The following ACVR1C variants were observed in gnomAD, a reference collection of about 807,000 sequenced individuals.
ACVR1C encodes the protein activin receptor type-1C.
A neutral mutation model predicts 57.9 loss-of-function variants in ACVR1C; 23 were observed. The ratio of observed to expected loss-of-function variants is 0.40; its 90% CI spans 0.29 to 0.56. ACVR1C has a LOEUF of 0.56. Ranked by LOEUF, ACVR1C falls within the 20% of genes least tolerant of loss-of-function variation. The pLI is 0.50. For synonymous variants in ACVR1C, 214 were observed against 215.3 expected (o/e 0.99, Z 0.05); for missense variants, 480 against 607.9 (o/e 0.79, Z 2.21).
At chr2:157,559,765 A>C (rs1322631486) in intron 2 of ACVR1C, among the ~76,000 whole-genome samples, 1 of 152,132 alleles carries the variant, frequency 6.6e-6, no homozygotes, top group Admixed American at 6.6e-5. Flanking sequence ...CTAACCCATA[A>C]AGGTGAGGGC....
At chr2:157,594,546 G>GTT (rs1363980198) in intron 1 of ACVR1C, among the ~76,000 whole-genome samples, 2 of 152,064 alleles carry the variant, frequency 1.3e-5, no homozygotes, top group Middle Eastern at 3.2e-3. Flanking sequence ...ATTAAAAATT[G>GTT]TTTATCCTGT....
chr2:157,602,782 AAC>A (rs1261397279), intron 1 of ACVR1C, among the ~76,000 whole-genome samples: 3 of 152,192 alleles, frequency 2.0e-5, no homozygotes, highest in South Asian at 2.1e-4. Context: ...AATAGAATGA[AAC>A]ACATTCAAAT....
intron 2 of ACVR1C, among the ~76,000 whole-genome samples, chr2:157,583,091 C>A (rs1688829791): frequency 6.6e-6 from 1 of 152,066 alleles, no homozygotes; most frequent in East Asian, 1.9e-4. Flanking sequence ...ATACTCCCAA[C>A]CTCAAGTGAT....
chr2:157,605,195 C>CATAT lies in ACVR1C; in HGVS notation c.74-17782_74-17779dup, dbSNP rs148856106. Among the ~76,000 whole-genome samples, 9 of 150,224 alleles carry CATAT rather than the reference C, an allele frequency of 6.0e-5. No homozygotes were observed. In the South Asian group the frequency reaches 1.7e-3, roughly 28 times the overall value. On this transcript the variant is annotated intron_variant, in intron 1 of 8. Coordinates refer to ENST00000243349, the MANE Select transcript of ACVR1C (RefSeq NM_145259.3). Reference sequence around the variant, plus strand: ...TAATTTTGTCAAAAAAATCAATTGACATATATATATATATGGGTCTATTTC... The same window carrying CATAT: ...TAATTTTGTCAAAAAAATCAATTGACATATATATATATATATATGGGTCTATTTC...
chr2:157,587,257 G>A lies in ACVR1C; in HGVS notation c.234C>T (p.Ser78=), dbSNP rs938797855. 6.2e-7 allele frequency: 1 copy of A among 1,613,670 alleles called. No homozygotes were observed. ...AGCATTCGGTTTTGGTAACATTGTT[G>A]GAACTATGACAGAAGACTTGAGCAT... ...ELNAQVFCHS[S]NNVTKTECCF... is the part of the protein sequence containing the mutation. The change falls in exon 2 of 9, where the codon TCC becomes TCT. Residue 78 remains serine (S), a synonymous_variant. Transcript: ENST00000243349.
chr2:157,609,391 T>A (rs1682480771), intron 1 of ACVR1C, among the ~76,000 whole-genome samples: 1 of 152,072 alleles, frequency 6.6e-6, no homozygotes, highest in African/African-American at 2.4e-5. Flanking sequence ...ACCTAACACA[T>A]GATCTCTCCT....
chr2:157,615,848 G>T (rs1263848785), intron 1 of ACVR1C, among the ~76,000 whole-genome samples: 1 of 152,110 alleles, frequency 6.6e-6, no homozygotes, highest in Non-Finnish European at 1.5e-5. Flanking sequence ...TGCAGTTTCT[G>T]CTAAGAAGTC....
In ACVR1C at chr2:157,542,763, T is replaced by C; in HGVS notation, c.1043A>G (p.His348Arg). The change falls in exon 6 of 9, where the codon CAT (histidine) becomes CGT (arginine). Residue 348 changes from histidine to arginine, a missense_variant. Transcript: ENST00000243349. ...AIADLGLAVK[H>R]DSILNTIDIP... is the part of the protein sequence containing the mutation. ...GTCGATAGTGTTCAGTATTGAATCA[T>C]GCTTCACAGCCAACCCTAAGTCCGC... The C allele has an allele frequency of 1.2e-6, 2 of 1,614,200 alleles. No homozygotes were observed. Among genetic ancestry groups the C allele is most frequent in the Non-Finnish European group, 1.7e-6 (2 of 1,180,012 alleles).
intron 2 of ACVR1C, among the ~76,000 whole-genome samples, chr2:157,580,084 AAC>A (rs994817771): frequency 2.6e-5 from 4 of 151,178 alleles, no homozygotes; most frequent in Non-Finnish European, 4.4e-5. Context: ...CACACACACA[AAC>A]ACACACGCGC....
intron 4 of ACVR1C, among the ~76,000 whole-genome samples, chr2:157,546,817 A>AT (rs1247308654): frequency 2.6e-5 from 4 of 151,902 alleles, no homozygotes; most frequent in East Asian, 1.9e-4. Context: ...ATTTTATTTT[A>AT]TTTTTTTTCT....
intron 7 of ACVR1C, among the ~76,000 whole-genome samples, chr2:157,539,758 A>G (rs1309751739): frequency 6.6e-6 from 1 of 152,236 alleles, no homozygotes; most frequent in East Asian, 1.9e-4. Flanking sequence ...TCAGAGACAT[A>G]GAGCTAGTAA....
At chr2:157,613,190 T>G (rs1023704699) in intron 1 of ACVR1C, among the ~76,000 whole-genome samples, 3 of 152,190 alleles carry the variant, frequency 2.0e-5, no homozygotes, top group Non-Finnish European at 4.4e-5. Flanking sequence ...CGTGTCTCAG[T>G]TGTTTCCTGT....
At chr2:157,589,307 A>G (rs1051195524) in intron 1 of ACVR1C, among the ~76,000 whole-genome samples, 1 of 151,836 alleles carries the variant, frequency 6.6e-6, no homozygotes, top group Non-Finnish European at 1.5e-5. Context: ...ATTTTTTCAC[A>G]TATTTGTTAG....
chr2:157,615,108 AT>A (rs1682613500), intron 1 of ACVR1C, among the ~76,000 whole-genome samples: 1 of 152,044 alleles, frequency 6.6e-6, no homozygotes, highest in Non-Finnish European at 1.5e-5. Flanking sequence ...TTAATTGAAT[AT>A]TTTTATTCCA....
intron 1 of ACVR1C, among the ~76,000 whole-genome samples, chr2:157,619,951 T>A (rs938837654): frequency 6.6e-6 from 1 of 151,862 alleles, no homozygotes; most frequent in Admixed American, 6.6e-5. Context: ...TAAGGAAATG[T>A]GGCAAAAAAA....
rs1406109278 is a variant in ACVR1C at position 157,526,798 on chromosome 2, T to C, written c.*7120A>G. ...ACATCTTCCTTTATTTAAAATAGAG[T>C]TCTATATGCTTCACAGAAACAAGTG... is the stretch of plus-strand genomic sequence containing the variant. On this transcript the variant is annotated 3_prime_UTR_variant, in exon 9 of 9. Transcript: ENST00000243349. 1 of 151,884 alleles carries C rather than the reference T, an allele frequency of 6.6e-6. No individual in the cohort carries two copies. Among genetic ancestry groups the C allele is most frequent in the Non-Finnish European group, 1.5e-5 (1 of 67,940 alleles). The allele number at this position is 151,884 out of a possible 1,614,324, so 9.4% of individuals were successfully genotyped here.
At chr2:157,548,881 T>C (rs1363688314) in intron 4 of ACVR1C, among the ~76,000 whole-genome samples, 2 of 152,216 alleles carry the variant, frequency 1.3e-5, no homozygotes, top group African/African-American at 4.8e-5. Context: ...TTGCCAGTAT[T>C]CTAATACAAT....
At chr2:157,572,664 C>G (rs1688544568) in intron 2 of ACVR1C, among the ~76,000 whole-genome samples, 4 of 152,156 alleles carry the variant, frequency 2.6e-5, no homozygotes, top group Admixed American at 2.6e-4. Flanking sequence ...TATTACATCT[C>G]TATGAACAAA....
chr2:157,573,760 T>A (rs1688580220), intron 2 of ACVR1C, among the ~76,000 whole-genome samples: 1 of 152,144 alleles, frequency 6.6e-6, no homozygotes, highest in South Asian at 2.1e-4. Flanking sequence ...ATGACTCTGC[T>A]ATCACCCAGA....
Sources: allele counts gnomAD v4.1 joint callset (sites outside exome capture counted in the v4.1 genomes callset), GRCh38; gene constraint gnomAD v4.1.1; transcripts MANE v1.5; gene names NCBI Gene and HGNC (gene_info 2026-07-23, HGNC 2026-07-21).